Variants in ANKRD26 observed in about 807,000 individuals in gnomAD.
ANKRD26 encodes the protein ankyrin repeat domain 26.
Under a neutral mutation model 208.7 loss-of-function variants are expected in ANKRD26, and 141 were observed. That is an observed-to-expected ratio of 0.68 (90% CI 0.59 to 0.78). The LOEUF (loss-of-function observed/expected upper bound fraction) is 0.78, where lower values mean the gene tolerates loss of function less well. Ranked by LOEUF, ANKRD26 falls within the 30% of genes least tolerant of loss-of-function variation. The probability of loss-of-function intolerance (pLI) is 0.00; values close to 1 mark genes in which losing one functional copy is unlikely to be tolerated. For missense variants in ANKRD26, 1,889 were observed against 1,938.7 expected (o/e 0.97, Z 0.48); for synonymous variants, 636 against 660.4 (o/e 0.96, Z 0.57).
intron 18 of ANKRD26, among the ~76,000 whole-genome samples, chr10:27,045,802 T>A (rs1351496976): frequency 6.6e-6 from 1 of 152,032 alleles, no homozygotes; most frequent in Non-Finnish European, 1.5e-5. Flanking sequence ...TTTAAGATCA[T>A]CATTGACACA....
intron 27 of ANKRD26, among the ~76,000 whole-genome samples, chr10:27,025,447 GGTGTCAGCCACTGTGCTC>G (rs2053630084): frequency 6.6e-6 from 1 of 152,134 alleles, no homozygotes; most frequent in Non-Finnish European, 1.5e-5. Context: ...TGGAATTACA[GGTGTCAGCCACTGTGCTC>G]ATCAGGCTCT....
chr10:27,051,313 C>T (rs775580815), intron 16 of ANKRD26: 25 of 1,283,836 alleles, frequency 1.9e-5, no homozygotes, highest in African/African-American at 1.4e-4. Context: ...TTCTTGTAAG[C>T]GTCTGTACCA....
At chr10:26,953,577 G>A in the ANKRD26 span, among the ~76,000 whole-genome samples, 1 of 152,192 alleles carries the variant, frequency 6.6e-6, no homozygotes, top group Admixed American at 6.5e-5. Flanking sequence ...TGGGAGAAAA[G>A]GTTCAAACAT....
At chr10:27,069,707 T>C (rs2055408556) in intron 9 of ANKRD26, among the ~76,000 whole-genome samples, 1 of 152,110 alleles carries the variant, frequency 6.6e-6, no homozygotes. Context: ...TAAATATTTG[T>C]AAAATACACT....
chr10:27,015,872 C>G (rs1445833350), intron 30 of ANKRD26, among the ~76,000 whole-genome samples: 1 of 152,154 alleles, frequency 6.6e-6, no homozygotes, highest in Non-Finnish European at 1.5e-5. Context: ...GAGTTTTAAT[C>G]ACTCATAGAC....
intron 13 of ANKRD26, among the ~76,000 whole-genome samples, chr10:27,060,889 G>T (rs1437862530): frequency 6.6e-6 from 1 of 152,154 alleles, no homozygotes; most frequent in African/African-American, 2.4e-5. Context: ...ACCCTGAGAG[G>T]AGAAATGTCA....
At chr10:27,048,368 G>A (rs1356826337) in intron 17 of ANKRD26, among the ~76,000 whole-genome samples, 1 of 152,040 alleles carries the variant, frequency 6.6e-6, no homozygotes, top group African/African-American at 2.4e-5. Context: ...TAGGCTTACT[G>A]TGTATTACAC....
chr10:26,982,783 C>A (rs1479836514), exon 4 of ANKRD26, among the ~76,000 whole-genome samples: 1 of 152,130 alleles, frequency 6.6e-6, no homozygotes, highest in African/African-American at 2.4e-5. Flanking sequence ...TGCACATTGT[C>A]TTAGTTGCAA....
intron 1 of ANKRD26, among the ~76,000 whole-genome samples, chr10:27,099,123 T>A (rs543991764): frequency 5.3e-5 from 8 of 152,284 alleles, no homozygotes; most frequent in African/African-American, 1.4e-4. Flanking sequence ...TCGGAGTAGC[T>A]GAGATTACAG....
Position 27,055,355 on chromosome 10 carries a change from T to C in ANKRD26, c.1565-1965A>G, listed in dbSNP as rs565855348. Among the ~76,000 whole-genome samples the C allele has an allele frequency of 9.1e-4, 138 of 152,318 alleles. 3 individuals are homozygous for C. In the South Asian group the frequency reaches 0.022, roughly 24 times the overall value. ...GAAGAAATGAGAGCAAACAAGCATA[T>C]ATATGTATAGGTGAGTAACTTTAGA... On this transcript the variant is annotated intron_variant, in intron 15 of 33. Coordinates refer to ENST00000376087, the MANE Select transcript of ANKRD26 (RefSeq NM_014915.3).
At chr10:27,002,879 T>A (rs1189478940), downstream of ANKRD26, among the ~76,000 whole-genome samples, 2 of 152,236 alleles carry the variant, frequency 1.3e-5, no homozygotes, top group African/African-American at 4.8e-5. Flanking sequence ...ACAACCACTA[T>A]CACTCACTGA....
chr10:26,963,224 C>T, the ANKRD26 span, among the ~76,000 whole-genome samples: 1 of 152,204 alleles, frequency 6.6e-6, no homozygotes, highest in South Asian at 2.1e-4. Flanking sequence ...TGTTCCATTT[C>T]CTAATAAGCC....
At chr10:27,033,091 A>C in intron 25 of ANKRD26, 134 bp downstream of exon 25, 1 of 576,162 alleles carries the variant, frequency 1.7e-6, no homozygotes, top group Non-Finnish European at 2.5e-6. Flanking sequence ...TCAAAAAAAA[A>C]AAAAAGATAA....
intron 32 of ANKRD26, among the ~76,000 whole-genome samples, chr10:27,010,815 G>A (rs1337537125): frequency 6.6e-6 from 1 of 152,014 alleles, no homozygotes; most frequent in Non-Finnish European, 1.5e-5. Flanking sequence ...GCCTACACAA[G>A]TATTTGACAT....
At chr10:26,953,068 G>A in the ANKRD26 span, among the ~76,000 whole-genome samples, 1 of 152,106 alleles carries the variant, frequency 6.6e-6, no homozygotes, top group Admixed American at 6.6e-5. Flanking sequence ...ACATAATATT[G>A]ATTATACTGT....
chr10:27,015,581 CTG>C (rs1474848718), intron 30 of ANKRD26, among the ~76,000 whole-genome samples: 1 of 152,190 alleles, frequency 6.6e-6, no homozygotes, highest in Non-Finnish European at 1.5e-5. Context: ...GTGAAGAAAT[CTG>C]TGTTATCATG....
Position 27,100,295 on chromosome 10 carries a change from G to T in ANKRD26, c.32C>A (p.Ser11Ter). The change falls in exon 1 of 34, where the codon TCG (serine) becomes TAG (stop). Residue 11 changes from serine to a stop codon, truncating the protein, a stop_gained. Transcript: ENST00000376087. LOFTEE classifies it high-confidence loss of function. MKKIFSKKGE[S>*]PLGSFARRQR... The stretch of plus-strand genomic sequence containing the variant: ...CCGCCGCGCGAAGGAGCCCAAGGGC[G>T]ACTCGCCCTTCTTACTAAAAATCTT... The T allele has an allele frequency of 6.2e-7, 1 of 1,609,790 alleles. No individual in the cohort carries two copies.
intron 29 of ANKRD26, among the ~76,000 whole-genome samples, chr10:27,017,997 C>T (rs1258418840): frequency 6.6e-6 from 1 of 152,036 alleles, no homozygotes; most frequent in Non-Finnish European, 1.5e-5. Context: ...AAATATATTC[C>T]TTATTTTTAT....
chr10:26,962,401 CCT>C, the ANKRD26 span, among the ~76,000 whole-genome samples: 1 of 151,934 alleles, frequency 6.6e-6, no homozygotes, highest in Non-Finnish European at 1.5e-5. Context: ...ATGGTGAAAC[CCT>C]GTCTCTACTA....
Sources: allele counts gnomAD v4.1 joint callset (sites outside exome capture counted in the v4.1 genomes callset), GRCh38; gene constraint gnomAD v4.1.1; transcripts MANE v1.5; gene names NCBI Gene and HGNC (gene_info 2026-07-23, HGNC 2026-07-21).